Variants in OSBPL8 observed in about 807,000 individuals in gnomAD.
OSBPL8 encodes oxysterol-binding protein-related protein 8.
OSBPL8 carries 59 observed loss-of-function variants against 125.5 expected under a neutral mutation model. The ratio of observed to expected loss-of-function variants is 0.47; its 90% CI spans 0.38 to 0.58. OSBPL8 has a LOEUF of 0.58. Ranked by LOEUF, OSBPL8 falls within the 20% of genes least tolerant of loss-of-function variation. The pLI is 0.00. For synonymous variants in OSBPL8, 330 were observed against 338.9 expected (o/e 0.97, Z 0.29); for missense variants, 758 against 1,047.8 (o/e 0.72, Z 3.82).
At chr12:76,389,610 G>T in intron 12 of OSBPL8, 35 bp downstream of exon 12, 1 of 1,423,262 alleles carries the variant, frequency 7.0e-7, no homozygotes. Flanking sequence ...AAATCATGAA[G>T]TATTGTCTAT....
intron 1 of OSBPL8, among the ~76,000 whole-genome samples, chr12:76,554,084 T>C (rs946586612): frequency 6.6e-6 from 1 of 152,138 alleles, no homozygotes; most frequent in Non-Finnish European, 1.5e-5. Flanking sequence ...TTAAATACTG[T>C]TATCTATTAT....
intron 4 of OSBPL8, among the ~76,000 whole-genome samples, 193 bp downstream of exon 4, chr12:76,450,658 T>C (rs1873273158): frequency 6.6e-6 from 1 of 151,542 alleles, no homozygotes; most frequent in South Asian, 2.1e-4. Context: ...TTAAAAAAAA[T>C]TAAAAGTCTA....
intron 1 of OSBPL8, chr12:76,536,980 T>G (rs867279133): frequency 2.0e-5 from 3 of 152,452 alleles, no homozygotes. Context: ...TCTATCTTTG[T>G]GTTTAAAAAA....
intron 10 of OSBPL8, among the ~76,000 whole-genome samples, 189 bp from the exon 11 acceptor site, chr12:76,390,846 T>C (rs1213342393): frequency 6.6e-6 from 1 of 152,210 alleles, no homozygotes; most frequent in Non-Finnish European, 1.5e-5. Context: ...ATTATTCTCA[T>C]TTTACAGATT....
chr12:76,554,087 T>C (rs1042580956), intron 1 of OSBPL8, among the ~76,000 whole-genome samples: 6 of 152,138 alleles, frequency 3.9e-5, no homozygotes, highest in Non-Finnish European at 7.3e-5. Flanking sequence ...AATACTGTTA[T>C]CTATTATGTT....
At chr12:76,495,743 T>A (rs894323062) in intron 1 of OSBPL8, among the ~76,000 whole-genome samples, 10 of 152,220 alleles carry the variant, frequency 6.6e-5, no homozygotes, top group Non-Finnish European at 1.5e-5. Flanking sequence ...AGTTATGACA[T>A]CACACAAGGA....
At chr12:76,364,878 A>C (rs1952356766) in intron 21 of OSBPL8, among the ~76,000 whole-genome samples, 2 of 152,126 alleles carry the variant, frequency 1.3e-5, no homozygotes, top group South Asian at 4.1e-4. Flanking sequence ...GAATTTGAAA[A>C]TCTGCTTTCC....
chr12:76,385,449 TA>T (rs1359783586), intron 14 of OSBPL8, among the ~76,000 whole-genome samples: 10 of 152,098 alleles, frequency 6.6e-5, no homozygotes, highest in East Asian at 1.9e-4. Flanking sequence ...AGAGGTATCA[TA>T]GGGGAGAAGA....
rs144819459 is a variant in OSBPL8, at chr12:76,360,065, T to C, written c.2329-1254A>G. On this transcript the variant is annotated intron_variant, in intron 21 of 23. Transcript: ENST00000261183. ...AACAGTCCCCCAAAGTCTTAATTCATTTCAGCATTAACCCAAAAGTCCACA... is the reference window on the plus strand; with the variant it reads ...AACAGTCCCCCAAAGTCTTAATTCACTTCAGCATTAACCCAAAAGTCCACA... Among the ~76,000 whole-genome samples, 367 of 152,274 alleles carry C rather than the reference T, an allele frequency of 2.4e-3. 7 individuals are homozygous for C. The East Asian group carries it at 0.04, about 17-fold the overall frequency.
intron 1 of OSBPL8, among the ~76,000 whole-genome samples, chr12:76,499,269 G>C (rs563233034): frequency 6.6e-6 from 1 of 151,376 alleles, no homozygotes; most frequent in Non-Finnish European, 1.5e-5. Context: ...GCCTGTTGTG[G>C]GACCTTGTGA....
At chr12:76,400,756 C>G (rs1954018652) in intron 6 of OSBPL8, among the ~76,000 whole-genome samples, 1 of 149,516 alleles carries the variant, frequency 6.7e-6, no homozygotes, top group African/African-American at 2.5e-5. Flanking sequence ...TTTCTGATCA[C>G]TAGTCCAGTT....
intron 2 of OSBPL8, among the ~76,000 whole-genome samples, chr12:76,476,217 T>A (rs1002257875): frequency 1.3e-5 from 2 of 152,188 alleles, no homozygotes; most frequent in African/African-American, 4.8e-5. Context: ...GGCTCTTACC[T>A]TTCTATGTAG....
At chr12:76,445,352 T>C (rs141621368) in intron 4 of OSBPL8, among the ~76,000 whole-genome samples, 1 of 152,210 alleles carries the variant, frequency 6.6e-6, no homozygotes, top group Non-Finnish European at 1.5e-5. Context: ...GGAAAAAAGT[T>C]TGAATCATAG....
At chr12:76,500,887 C>A (rs1258184902) in intron 1 of OSBPL8, among the ~76,000 whole-genome samples, 1 of 152,196 alleles carries the variant, frequency 6.6e-6, no homozygotes, top group Non-Finnish European at 1.5e-5. Context: ...CTCACAAAGT[C>A]TGGCAAAGTC....
chr12:76,442,243 C>T (rs1359659960), intron 4 of OSBPL8, among the ~76,000 whole-genome samples: 1 of 152,098 alleles, frequency 6.6e-6, no homozygotes, highest in Non-Finnish European at 1.5e-5. Context: ...TCAATAAATG[C>T]TTTCAAAGTA....
intron 1 of OSBPL8, among the ~76,000 whole-genome samples, chr12:76,546,491 A>T (rs1455068923): frequency 6.6e-6 from 1 of 152,158 alleles, no homozygotes; most frequent in Non-Finnish European, 1.5e-5. Flanking sequence ...ATAATGCTGA[A>T]GATTCTATTT....
At chr12:76,540,842 G>T (rs1251655253) in intron 1 of OSBPL8, among the ~76,000 whole-genome samples, 1 of 152,064 alleles carries the variant, frequency 6.6e-6, no homozygotes, top group Non-Finnish European at 1.5e-5. Flanking sequence ...ATCAAATGTG[G>T]TCTTCCCTTA....
At chr12:76,472,883 G>A (rs971399944) in intron 2 of OSBPL8, among the ~76,000 whole-genome samples, 5 of 152,132 alleles carry the variant, frequency 3.3e-5, no homozygotes, top group Non-Finnish European at 7.4e-5. Context: ...ACTGATGTCA[G>A]GCCCTCCACA....
chr12:76,485,976 C>A lies in OSBPL8; in HGVS notation c.42+1534G>T, dbSNP rs186936295. 104 of 387,918 alleles carry A rather than the reference C, an allele frequency of 2.7e-4. 2 individuals are homozygous for A. The highest frequency in any genetic ancestry group is 2.1e-3 in the African/African-American group (101 of 47,258). 24.0% of individuals were successfully genotyped at this position (387,918 alleles called of 1,614,324 possible). ...ATCATAAAATAAACATTAAGTTCTA[C>A]AGACAAGGCTTAATATTAACTTTTC... On this transcript the variant is annotated intron_variant, in intron 2 of 23. Transcript: ENST00000261183.
Sources: allele counts gnomAD v4.1 joint callset (sites outside exome capture counted in the v4.1 genomes callset), GRCh38; gene constraint gnomAD v4.1.1; transcripts MANE v1.5; gene names NCBI Gene and HGNC (gene_info 2026-07-23, HGNC 2026-07-21).